The following ZNF362 variants were observed in gnomAD, a reference collection of about 807,000 sequenced individuals.
ZNF362 encodes the protein rotund homolog.
Under a neutral mutation model 42.9 loss-of-function variants are expected in ZNF362, and 11 were observed. That is an observed-to-expected ratio of 0.26 (90% CI 0.16 to 0.42). The LOEUF (loss-of-function observed/expected upper bound fraction) is 0.42, where lower values mean the gene tolerates loss of function less well. ZNF362 is among the 20% of genes least tolerant of loss of function. The pLI is 1.00. For missense variants in ZNF362, 362 were observed against 576.2 expected (o/e 0.63, Z 3.81); for synonymous variants, 255 against 257.3 (o/e 0.99, Z 0.09).
intron 4 of ZNF362, 135 bp from the exon 5 acceptor site, chr1:33,279,989 C>A: frequency 9.7e-7 from 1 of 1,030,932 alleles, no homozygotes; most frequent in Non-Finnish European, 1.3e-6. Flanking sequence ...CACAAGGTCT[C>A]ATTTAGTTAC....
At chr1:33,287,876 T>C (rs1270007777) in intron 6 of ZNF362, among the ~76,000 whole-genome samples, 1 of 152,146 alleles carries the variant, frequency 6.6e-6, no homozygotes, top group Non-Finnish European at 1.5e-5. Context: ...ATTTGAAAAA[T>C]GCCACAGAGG....
At chr1:33,165,440 G>C in the ZNF362 span, 14 of 1,542,200 alleles carry the variant, frequency 9.1e-6, no homozygotes, top group Non-Finnish European at 1.2e-5. This position sits in a 1 kb window ranked among gnomAD's most constrained non-coding sequence, Gnocchi z 4.0. Context: ...CATCTCTGCC[G>C]GCCCCACCTC....
the ZNF362 span, among the ~76,000 whole-genome samples, chr1:33,153,261 CAAAG>C: frequency 6.6e-6 from 1 of 152,192 alleles, no homozygotes; most frequent in South Asian, 2.1e-4. Context: ...GCCCCACAGA[CAAAG>C]AAAGGGGCCC....
chr1:33,156,508 T>A, the ZNF362 span, among the ~76,000 whole-genome samples: 7 of 152,198 alleles, frequency 4.6e-5, no homozygotes, highest in Non-Finnish European at 1.0e-4. Flanking sequence ...CATACCTGGG[T>A]TGCCCTCCTA....
At chr1:33,235,507 G>A in the ZNF362 span, among the ~76,000 whole-genome samples, 1 of 152,106 alleles carries the variant, frequency 6.6e-6, no homozygotes, top group Non-Finnish European at 1.5e-5. Flanking sequence ...CCACATCTGT[G>A]CCTTGTTAAA....
chr1:33,154,304 A>C, the ZNF362 span, among the ~76,000 whole-genome samples: 1 of 152,044 alleles, frequency 6.6e-6, no homozygotes, highest in Non-Finnish European at 1.5e-5. Flanking sequence ...ACAGCCCTGG[A>C]GCAGGGAGCC....
the ZNF362 span, chr1:33,147,557 C>T: frequency 1.7e-5 from 28 of 1,614,084 alleles, no homozygotes; most frequent in African/African-American, 8.0e-5. This position sits in a 1 kb window ranked among gnomAD's most constrained non-coding sequence, Gnocchi z 8.1. Context: ...CAGTAGTGGA[C>T]GCCACTACTG....
the ZNF362 span, among the ~76,000 whole-genome samples, chr1:33,183,455 G>A: frequency 6.6e-6 from 1 of 152,224 alleles, no homozygotes; most frequent in South Asian, 2.1e-4. Flanking sequence ...TATGGGCAGA[G>A]CCCTGATTTT....
the ZNF362 span, chr1:33,158,175 G>T: frequency 7.4e-7 from 1 of 1,342,496 alleles, no homozygotes; most frequent in Non-Finnish European, 1.1e-6. Flanking sequence ...ACTGCCCCAT[G>T]CTGTGTTTAG....
the ZNF362 span, among the ~76,000 whole-genome samples, chr1:33,238,453 A>G: frequency 1.9e-3 from 292 of 152,150 alleles, 2 homozygotes; most frequent in African/African-American, 6.7e-3. Context: ...TCCCTTGGAA[A>G]GCCCATTTGA....
chr1:33,202,521 C>T, the ZNF362 span, among the ~76,000 whole-genome samples: 1 of 151,440 alleles, frequency 6.6e-6, no homozygotes, highest in African/African-American at 2.4e-5. Context: ...TGACGTGAAC[C>T]CGGGAGGCGG....
At chr1:33,255,288 G>A (rs1180049241), upstream of ZNF362, among the ~76,000 whole-genome samples, 1 of 152,200 alleles carries the variant, frequency 6.6e-6, no homozygotes, top group Non-Finnish European at 1.5e-5. Flanking sequence ...TGTTTACTAG[G>A]TCCTCTATGA....
chr1:33,199,553 A>G, the ZNF362 span, among the ~76,000 whole-genome samples: 2 of 152,240 alleles, frequency 1.3e-5, no homozygotes, highest in Admixed American at 6.5e-5. Flanking sequence ...AAAGAAAATG[A>G]TACAAGATGG....
the ZNF362 span, among the ~76,000 whole-genome samples, chr1:33,218,256 CAT>C: frequency 6.6e-6 from 1 of 152,030 alleles, no homozygotes; most frequent in Non-Finnish European, 1.5e-5. Flanking sequence ...GCCTGGGCAA[CAT>C]AGGGAGATAC....
the ZNF362 span, among the ~76,000 whole-genome samples, chr1:33,239,282 C>G: frequency 6.6e-6 from 1 of 152,228 alleles, no homozygotes; most frequent in East Asian, 1.9e-4. Context: ...TGGCAAGACC[C>G]CAAACGTGGG....
the ZNF362 span, among the ~76,000 whole-genome samples, chr1:33,138,490 G>C: frequency 6.6e-6 from 1 of 151,984 alleles, no homozygotes; most frequent in East Asian, 1.9e-4. Flanking sequence ...GCGAGACCCT[G>C]TCTCTGCAAA....
At chr1:33,180,612 C>T in the ZNF362 span, among the ~76,000 whole-genome samples, 7 of 152,210 alleles carry the variant, frequency 4.6e-5, no homozygotes, top group South Asian at 2.1e-4. Context: ...GACCCATCCT[C>T]GCGACCTCGC....
At chr1:33,227,217 A>G in the ZNF362 span, among the ~76,000 whole-genome samples, 1 of 152,194 alleles carries the variant, frequency 6.6e-6, no homozygotes, top group African/African-American at 2.4e-5. Flanking sequence ...ACTGTTACTA[A>G]GAAAATTGGC....
the ZNF362 span, chr1:33,159,757 A>G: frequency 6.2e-7 from 1 of 1,613,512 alleles, no homozygotes. This position sits in a 1 kb window ranked among gnomAD's most constrained non-coding sequence, Gnocchi z 4.2. Context: ...CTCCTGCAGG[A>G]TCTGGGCTCC....
Sources: allele counts gnomAD v4.1 joint callset (sites outside exome capture counted in the v4.1 genomes callset), GRCh38; gene constraint gnomAD v4.1.1; non-coding constraint Gnocchi (gnomAD v3.1); transcripts MANE v1.5; gene names NCBI Gene and HGNC (gene_info 2026-07-23, HGNC 2026-07-21).